GIGYF2: variants seen among roughly 807,000 people sequenced by gnomAD.
GIGYF2 encodes GRB10 interacting GYF protein 2, also known as GRB10-interacting GYF protein 2.
Under a neutral mutation model 208.1 loss-of-function variants are expected in GIGYF2, and 25 were observed. The ratio of observed to expected loss-of-function variants is 0.12; its 90% CI spans 0.09 to 0.17. The LOEUF is 0.17. Ranked by LOEUF, GIGYF2 falls within the 10% of genes least tolerant of loss-of-function variation. GIGYF2 has a pLI of 1.00. For missense variants in GIGYF2, 1,302 were observed against 1,579.4 expected, an observed-to-expected ratio of 0.82 and a Z score of 2.98; for synonymous variants, 534 against 543.8, an observed-to-expected ratio of 0.98 and a Z score of 0.25.
intron 15 of GIGYF2, among the ~76,000 whole-genome samples, chr2:232,808,908 T>C (rs529675473): frequency 2.6e-5 from 4 of 152,282 alleles, no homozygotes; most frequent in South Asian, 2.1e-4. Flanking sequence ...GTTATAGTTA[T>C]CAAAGTTTAT....
At chr2:232,851,255 C>T (rs114888120) in intron 28 of GIGYF2, among the ~76,000 whole-genome samples, 1,873 of 152,240 alleles carry the variant, frequency 0.012, 45 homozygotes, top group African/African-American at 0.042. Context: ...TTGAAGGCTG[C>T]AGTGAGCTGT....
chr2:232,706,055 A>C (rs1282347317), intron 2 of GIGYF2: 3 of 152,216 alleles, frequency 2.0e-5, no homozygotes, highest in Non-Finnish European at 4.4e-5. Context: ...CTAATTGCTT[A>C]ACTAATATTT....
chr2:232,846,645 T>G (rs762684426), intron 26 of GIGYF2, among the ~76,000 whole-genome samples: 1 of 145,136 alleles, frequency 6.9e-6, no homozygotes, highest in Non-Finnish European at 1.5e-5. Flanking sequence ...ATAACAGTAA[T>G]GGCTGCCATG....
rs548294975 is a variant in GIGYF2, at chr2:232,708,359, G to A, written c.-44+4870G>A. Among the ~76,000 whole-genome samples the A allele has an allele frequency of 3.5e-4, 53 of 152,244 alleles. No individual in the cohort carries two copies. In the South Asian group the frequency reaches 0.01, roughly 30 times the overall value. On this transcript the variant is annotated intron_variant, in intron 2 of 28. Coordinates refer to ENST00000373563, the MANE Select transcript of GIGYF2 (RefSeq NM_001103146.3). ...ATGTTGTTTAATTGTGTGGTGCAAC[G>A]GGTTGGGAGTTTGGGGACAGTGAAC...
Position 232,717,619 on chromosome 2 carries a change from A to G in GIGYF2, c.-44+14130A>G, listed in dbSNP as rs1696748293. On this transcript the variant is annotated intron_variant, in intron 2 of 28. Transcript: ENST00000373563. ...GGTGATTTATAAAGAAAAGAGGTTTATTTGGCTCATGGTTCTGTAGGCGGT... is the reference window on the plus strand; with the variant it reads ...GGTGATTTATAAAGAAAAGAGGTTTGTTTGGCTCATGGTTCTGTAGGCGGT... Among the ~76,000 whole-genome samples, 8 of 152,242 alleles carry G rather than the reference A, an allele frequency of 5.3e-5. No individual in the cohort carries two copies. The South Asian group carries it at 1.7e-3, about 32-fold the overall frequency.
chr2:232,815,478 T>TAGA (rs1700879618), intron 18 of GIGYF2, among the ~76,000 whole-genome samples, 159 bp from the exon 19 acceptor site: 1 of 152,222 alleles, frequency 6.6e-6, no homozygotes, highest in Admixed American at 6.5e-5. Context: ...TCACAGAAAC[T>TAGA]AGAGTCCATT....
intron 8 of GIGYF2, 96 bp downstream of exon 8, chr2:232,761,532 A>T (rs1698740231): frequency 2.7e-6 from 2 of 743,500 alleles, no homozygotes; most frequent in South Asian, 2.9e-5. Context: ...CATTTCCTGC[A>T]TTTAAACTTC....
intron 2 of GIGYF2, among the ~76,000 whole-genome samples, chr2:232,727,529 A>G (rs1697258112): frequency 6.6e-6 from 1 of 152,222 alleles, no homozygotes; most frequent in Non-Finnish European, 1.5e-5. Context: ...AAGAGTAATT[A>G]TGAACTTGGA....
intron 9 of GIGYF2, among the ~76,000 whole-genome samples, chr2:232,789,002 ATATGTTAACT>A (rs1389897716): frequency 6.6e-6 from 1 of 152,200 alleles, no homozygotes; most frequent in African/African-American, 2.4e-5. Flanking sequence ...AGCAGTTTTC[ATATGTTAACT>A]CTTAACGTTT....
intron 2 of GIGYF2, among the ~76,000 whole-genome samples, chr2:232,716,469 C>T (rs1696686993): frequency 6.6e-6 from 1 of 150,770 alleles, no homozygotes; most frequent in Admixed American, 6.6e-5. Flanking sequence ...ACTTCCACCT[C>T]CCGCGTTCAA....
intron 16 of GIGYF2, chr2:232,810,469 G>A (rs757368812): frequency 1.5e-4 from 23 of 153,364 alleles, no homozygotes; most frequent in Non-Finnish European, 2.8e-4. Flanking sequence ...GGAGTGGTGT[G>A]GAATGATGGC....
At chr2:232,763,588 G>T (rs1698831434) in intron 8 of GIGYF2, among the ~76,000 whole-genome samples, 2 of 152,128 alleles carry the variant, frequency 1.3e-5, no homozygotes, top group Admixed American at 1.3e-4. Flanking sequence ...ACTTTGGGAG[G>T]CTGAGGTTGG....
At chr2:232,708,864 G>A (rs1214324086) in intron 2 of GIGYF2, among the ~76,000 whole-genome samples, 2 of 151,372 alleles carry the variant, frequency 1.3e-5, no homozygotes, top group East Asian at 3.9e-4. Context: ...GCTCACACCT[G>A]TAATCCCAGC....
intron 19 of GIGYF2, among the ~76,000 whole-genome samples, chr2:232,816,371 T>C (rs529462133): frequency 6.6e-6 from 1 of 152,230 alleles, no homozygotes; most frequent in Non-Finnish European, 1.5e-5. Context: ...ACAGTCTCCT[T>C]AGAGTTCCCA....
chr2:232,838,405 G>C (rs1574942714), intron 22 of GIGYF2, among the ~76,000 whole-genome samples: 1 of 152,074 alleles, frequency 6.6e-6, no homozygotes, highest in East Asian at 1.9e-4. Context: ...ATTCTCAGAG[G>C]TGCCCGTGAG....
intron 2 of GIGYF2, among the ~76,000 whole-genome samples, chr2:232,720,508 A>AC (rs1443822782): frequency 6.6e-6 from 1 of 151,894 alleles, no homozygotes; most frequent in Non-Finnish European, 1.5e-5. Flanking sequence ...TCCTTGAGGA[A>AC]CTGCCACACT....
At chr2:232,707,946 TTTC>T (rs1389949305) in intron 2 of GIGYF2, among the ~76,000 whole-genome samples, 1 of 151,768 alleles carries the variant, frequency 6.6e-6, no homozygotes, top group Non-Finnish European at 1.5e-5. Context: ...CCTTTTTGCA[TTTC>T]TTTTTTTTAA....
chr2:232,824,756 G>A (rs1303655946), intron 21 of GIGYF2, among the ~76,000 whole-genome samples: 1 of 152,198 alleles, frequency 6.6e-6, no homozygotes. Context: ...AAATGAAACA[G>A]CGTTCTACTA....
At chr2:232,795,040 G>C (rs1408945163) in intron 13 of GIGYF2, 96 bp downstream of exon 13, 5 of 905,244 alleles carry the variant, frequency 5.5e-6, no homozygotes, top group Admixed American at 5.2e-5. Flanking sequence ...TTTGTCACTA[G>C]ATTTTAAGTA....
Sources: gnomAD v4.1 joint callset for allele counts (sites outside exome capture counted in the v4.1 genomes callset) on GRCh38, gnomAD v4.1.1 for gene constraint, MANE v1.5 for transcripts, NCBI Gene and HGNC (gene_info 2026-07-23, HGNC 2026-07-21) for gene names.